The following PRH1 variants were observed in gnomAD, a reference collection of about 807,000 sequenced individuals.
The protein encoded by PRH1 is proline rich protein HaeIII subfamily 1.
A neutral mutation model predicts 7.9 loss-of-function variants in PRH1; 7 were observed. The ratio of observed to expected loss-of-function variants is 0.89; its 90% confidence interval spans 0.50 to 1.67. The LOEUF (loss-of-function observed/expected upper bound fraction) is 1.67. Among genes scored for constraint, PRH1 ranks in the 40% most tolerant of loss-of-function variants. PRH1 has a pLI of 0.00. For synonymous variants in PRH1, 45 were observed against 80.8 expected, an observed-to-expected ratio of 0.56 and a Z score of 2.38; for missense variants, 109 against 223.6, an observed-to-expected ratio of 0.49 and a Z score of 3.27.
chr12:11,096,994 T>C lies in PRH1; in HGVS notation n.124-49806A>G, dbSNP rs1478069531. 2.6e-5 allele frequency among the ~76,000 whole-genome samples: 3 copies of C among 114,036 alleles called. 1 individual carries two copies. Among genetic ancestry groups the C allele is most frequent in the Non-Finnish European group, 4.1e-5 (2 of 48,476 alleles). 74.8% of individuals were successfully genotyped at this position (114,036 alleles called of 152,430 possible). On this transcript the variant is annotated intron_variant and non_coding_transcript_variant, in intron 1 of 4. Coordinates refer to the PRH1 transcript ENST00000541977. ...TTCGTATTTTTAGTAGAGACGGGGT[T>C]TCACCGTGTTCCCCAGTATGGTCTG...
At chr12:10,946,296 T>C (rs927393569) in intron 2 of PRH1, among the ~76,000 whole-genome samples, 4 of 152,190 alleles carry the variant, frequency 2.6e-5, no homozygotes, top group Non-Finnish European at 5.9e-5. Context: ...GTCCATGAAA[T>C]CTTCACAATT....
At chr12:10,923,053 C>T (rs2135851350) in intron 2 of PRH1, among the ~76,000 whole-genome samples, 1 of 150,560 alleles carries the variant, frequency 6.6e-6, no homozygotes, top group Non-Finnish European at 1.5e-5. Context: ...TGGTCTCGAT[C>T]TCCTGACCTC....
At chr12:10,938,393 TAA>T (rs769053383) in intron 2 of PRH1, 393 of 1,613,966 alleles carry the variant, frequency 2.4e-4, no homozygotes, top group Non-Finnish European at 3.1e-4. Context: ...ACATGAAGGA[TAA>T]GCCATTCCCA....
At chr12:10,929,278 T>C (rs370385517) in intron 2 of PRH1, 3 of 1,614,092 alleles carry the variant, frequency 1.9e-6, no homozygotes, top group African/African-American at 2.7e-5. Flanking sequence ...TGCAAGATGC[T>C]TCTGATTCTG....
At chr12:11,030,016 T>C (rs1591842923) in intron 1 of PRH1, among the ~76,000 whole-genome samples, 1 of 152,210 alleles carries the variant, frequency 6.6e-6, no homozygotes, top group South Asian at 2.1e-4. Flanking sequence ...AAAAGAGCAA[T>C]ATTTATCCTG....
chr12:10,998,214 C>A (rs1366077131), intron 1 of PRH1, among the ~76,000 whole-genome samples: 1 of 152,094 alleles, frequency 6.6e-6, no homozygotes, highest in Non-Finnish European at 1.5e-5. Context: ...AAAGACATAT[C>A]CTCTTTCATT....
chr12:11,000,874 T>C (rs920467687), intron 1 of PRH1, among the ~76,000 whole-genome samples: 2 of 152,130 alleles, frequency 1.3e-5, no homozygotes, highest in African/African-American at 4.8e-5. Flanking sequence ...TTTTTTGCTA[T>C]TATTGTTTTA....
chr12:11,078,037 T>G (rs73062945), intron 1 of PRH1: 101,978 of 431,458 alleles, frequency 0.24, 18,410 homozygotes, highest in Admixed American at 0.29. Context: ...ATTAAACACA[T>G]TTGCATACCA....
At chr12:10,972,441 G>T (rs1938860318) in intron 2 of PRH1, among the ~76,000 whole-genome samples, 1 of 152,166 alleles carries the variant, frequency 6.6e-6, no homozygotes, top group Admixed American at 6.5e-5. Context: ...TGGAAAATAT[G>T]TTATTCTCAG....
intron 1 of PRH1, among the ~76,000 whole-genome samples, chr12:11,027,320 G>T (rs970734317): frequency 8.0e-5 from 12 of 150,662 alleles, no homozygotes; most frequent in Admixed American, 5.9e-4. Flanking sequence ...TCAGGAAGTG[G>T]CAAGTTTCTT....
At chr12:11,164,339 G>T (rs1305337671) in intron 1 of PRH1, among the ~76,000 whole-genome samples, 1 of 152,190 alleles carries the variant, frequency 6.6e-6, no homozygotes, top group Non-Finnish European at 1.5e-5. Context: ...GGACATCAGA[G>T]CCCCTGATTC....
intron 1 of PRH1, among the ~76,000 whole-genome samples, chr12:11,015,384 T>G (rs529520928): frequency 6.9e-6 from 1 of 145,322 alleles, no homozygotes; most frequent in East Asian, 2.1e-4. Flanking sequence ...AAGTGTACTT[T>G]CCTTTCTTTC....
chr12:11,168,280 GAAAGAAAGAAA>G, intron 1 of PRH1, among the ~76,000 whole-genome samples: 31 of 31,316 alleles, frequency 9.9e-4, no homozygotes, highest in African/African-American at 1.6e-3. Context: ...AAGAAAGAAA[GAAAGAAAGAAA>G]GAAAGAAAGA....
intron 2 of PRH1, 75 bp downstream of exon 2, chr12:10,882,983 TAAG>T: frequency 1.9e-6 from 3 of 1,548,280 alleles, no homozygotes; most frequent in African/African-American, 1.4e-5. Flanking sequence ...AAAATGGTGA[TAAG>T]AAGACACTGG....
chr12:11,057,926 TTA>T (rs150490188), intron 1 of PRH1, among the ~76,000 whole-genome samples: 556 of 123,174 alleles, frequency 4.5e-3, no homozygotes, highest in South Asian at 6.7e-3. Flanking sequence ...TTACATTTTT[TTA>T]AAAACATCAT....
At chr12:11,159,725 C>T (rs1192996516) in intron 1 of PRH1, 1 of 152,176 alleles carries the variant, frequency 6.6e-6, no homozygotes, top group African/African-American at 2.4e-5. Context: ...TATTCTACTT[C>T]ACTGACAGCT....
At chr12:11,009,764 C>T (rs1940986158) in intron 1 of PRH1, among the ~76,000 whole-genome samples, 1 of 151,926 alleles carries the variant, frequency 6.6e-6, no homozygotes, top group South Asian at 2.1e-4. Flanking sequence ...AAACTCTCCT[C>T]ATATGGAAAT....
chr12:10,910,258 T>G (rs779985788), intron 2 of PRH1, among the ~76,000 whole-genome samples: 37 of 152,246 alleles, frequency 2.4e-4, no homozygotes, highest in South Asian at 1.0e-3. Flanking sequence ...AAAGTTTAAT[T>G]TGTAAATCAA....
chr12:10,975,386 T>C (rs955437519), intron 1 of PRH1, among the ~76,000 whole-genome samples: 1 of 152,322 alleles, frequency 6.6e-6, no homozygotes, highest in African/African-American at 2.4e-5. Context: ...AGGGATTTCA[T>C]TACCACCAGC....
Sources: allele counts gnomAD v4.1 joint callset (sites outside exome capture counted in the v4.1 genomes callset), GRCh38; gene constraint gnomAD v4.1.1; transcripts MANE v1.5; gene names NCBI Gene and HGNC (gene_info 2026-07-23, HGNC 2026-07-21).